The following PIGU variants were observed in gnomAD, a reference collection of about 807,000 sequenced individuals.
The protein encoded by PIGU is phosphatidylinositol glycan anchor biosynthesis class U.
A neutral mutation model predicts 49.9 loss-of-function variants in PIGU; 24 were observed. The ratio of observed to expected loss-of-function variants is 0.48; its 90% CI spans 0.35 to 0.68. The LOEUF (loss-of-function observed/expected upper bound fraction) is 0.68. Among genes scored for constraint, PIGU ranks in the 30% least tolerant of loss-of-function variants. The pLI is 0.01. For missense variants in PIGU, 490 were observed against 532.6 expected, an observed-to-expected ratio of 0.92 and a Z score of 0.79; for synonymous variants, 220 against 205.7, an observed-to-expected ratio of 1.07 and a Z score of -0.59.
chr20:34,668,876 T>A (rs1357998321), intron 1 of PIGU, among the ~76,000 whole-genome samples: 7 of 48,202 alleles, frequency 1.5e-4, no homozygotes, highest in African/African-American at 4.0e-4. Context: ...ACTTTTTTTT[T>A]TTTTTTTTTT....
chr20:34,610,122 G>T (rs1746328803), intron 7 of PIGU, among the ~76,000 whole-genome samples: 1 of 152,126 alleles, frequency 6.6e-6, no homozygotes, highest in Admixed American at 6.5e-5. Flanking sequence ...AAAGCTGGAA[G>T]CATTCCCTTT....
intron 11 of PIGU, among the ~76,000 whole-genome samples, chr20:34,565,422 TTTTC>T (rs1270036335): frequency 4.0e-5 from 6 of 151,798 alleles, no homozygotes; most frequent in Non-Finnish European, 2.9e-5. Context: ...CTGGCTAGTT[TTTTC>T]TTTTTTTGTA....
At chr20:34,565,890 GAC>G (rs764642695) in intron 11 of PIGU, among the ~76,000 whole-genome samples, 24 of 144,268 alleles carry the variant, frequency 1.7e-4, no homozygotes, top group African/African-American at 4.5e-4. Context: ...GCAATGCTTA[GAC>G]ACACATGCTT....
At chr20:34,637,468 T>G (rs939707881) in intron 5 of PIGU, among the ~76,000 whole-genome samples, 3 of 152,206 alleles carry the variant, frequency 2.0e-5, no homozygotes, top group Non-Finnish European at 4.4e-5. Flanking sequence ...CACTTCAGTT[T>G]TATAAGCTAC....
chr20:34,575,743 C>G (rs374564475), intron 10 of PIGU, among the ~76,000 whole-genome samples: 44 of 152,316 alleles, frequency 2.9e-4, no homozygotes, highest in Middle Eastern at 3.4e-3. Context: ...TTCTCCTTAA[C>G]TGGTGTCTTA....
chr20:34,647,055 T>C (rs1568657025), intron 2 of PIGU, among the ~76,000 whole-genome samples: 3 of 152,116 alleles, frequency 2.0e-5, no homozygotes. Context: ...CATGCTGGAG[T>C]GCAATGGCAC....
At chr20:34,589,027 A>G (rs370245545) in intron 7 of PIGU, among the ~76,000 whole-genome samples, 23 of 152,252 alleles carry the variant, frequency 1.5e-4, no homozygotes, top group African/African-American at 5.3e-4. Flanking sequence ...GGTTAGTTAT[A>G]ATAGAAAATT....
intron 11 of PIGU, 49 bp from the exon 12 acceptor site, chr20:34,561,028 A>C: frequency 1.5e-6 from 2 of 1,343,422 alleles, no homozygotes; most frequent in Non-Finnish European, 2.1e-6. Context: ...CTCCCCCTAA[A>C]CCCAGGATCC....
chr20:34,672,847 CCT>C (rs1224522284), intron 1 of PIGU, among the ~76,000 whole-genome samples: 2 of 117,582 alleles, frequency 1.7e-5, no homozygotes, highest in African/African-American at 2.9e-5. Flanking sequence ...AGAGTGGGAC[CCT>C]GTCTCTCAAA....
intron 7 of PIGU, among the ~76,000 whole-genome samples, chr20:34,591,958 C>A (rs536248294): frequency 3.3e-5 from 5 of 152,182 alleles, no homozygotes; most frequent in African/African-American, 1.2e-4. Flanking sequence ...GAGGCCGAAG[C>A]GGGTGGATCG....
chr20:34,614,668 C>A (rs1984941838), intron 7 of PIGU, among the ~76,000 whole-genome samples: 1 of 150,538 alleles, frequency 6.6e-6, no homozygotes, highest in African/African-American at 2.4e-5. Context: ...ATATTAGTGA[C>A]AATATAAATG....
intron 8 of PIGU, among the ~76,000 whole-genome samples, chr20:34,587,826 A>G (rs1288361260): frequency 6.6e-6 from 1 of 152,212 alleles, no homozygotes; most frequent in Non-Finnish European, 1.5e-5. Flanking sequence ...AAATGACAGA[A>G]TTTCCTTTTT....
chr20:34,571,009 C>T (rs1304005558), intron 11 of PIGU, among the ~76,000 whole-genome samples: 4 of 152,184 alleles, frequency 2.6e-5, no homozygotes, highest in Admixed American at 6.5e-5. Context: ...GTAATGGCAA[C>T]AGGACCCACA....
intron 2 of PIGU, among the ~76,000 whole-genome samples, chr20:34,652,300 T>C (rs1255482728): frequency 6.6e-6 from 1 of 152,180 alleles, no homozygotes; most frequent in Non-Finnish European, 1.5e-5. Flanking sequence ...CCACCGTGCC[T>C]GGCCTCAGTT....
At chr20:34,576,785 T>A (rs1389635472) in intron 10 of PIGU, among the ~76,000 whole-genome samples, 1 of 152,128 alleles carries the variant, frequency 6.6e-6, no homozygotes, top group African/African-American at 2.4e-5. Context: ...AGAAGCCCAG[T>A]GGACTTTATT....
At chr20:34,664,470 G>C (rs762292932) in intron 1 of PIGU, among the ~76,000 whole-genome samples, 1 of 152,154 alleles carries the variant, frequency 6.6e-6, no homozygotes, top group Non-Finnish European at 1.5e-5. Context: ...AGGCCCAGGC[G>C]GGTGGATCAC....
At chr20:34,590,505 C>T (rs1983912244) in intron 7 of PIGU, among the ~76,000 whole-genome samples, 1 of 151,736 alleles carries the variant, frequency 6.6e-6, no homozygotes, top group Non-Finnish European at 1.5e-5. Context: ...TGTAGTGAGC[C>T]GAGATTGCAC....
At chr20:34,643,275 A>G (rs2068474) in intron 4 of PIGU, among the ~76,000 whole-genome samples, 128,919 of 152,110 alleles carry the variant, frequency 0.85, 54,819 homozygotes, top group Admixed American at 0.92. Context: ...CCATTTCCAC[A>G]GTTTTATAGG....
intron 10 of PIGU, among the ~76,000 whole-genome samples, chr20:34,578,050 C>T (rs997847646): frequency 6.6e-6 from 1 of 152,308 alleles, no homozygotes; most frequent in African/African-American, 2.4e-5. Flanking sequence ...AAAAGTCCTT[C>T]ATTTTATAAC....
Sources: allele counts gnomAD v4.1 joint callset (sites outside exome capture counted in the v4.1 genomes callset), GRCh38; gene constraint gnomAD v4.1.1; transcripts MANE v1.5; gene names NCBI Gene and HGNC (gene_info 2026-07-23, HGNC 2026-07-21).